The following FLT1 variants were observed in gnomAD, a reference collection of about 807,000 sequenced individuals.
FLT1 encodes the protein vascular endothelial growth factor receptor 1.
A neutral mutation model predicts 156.3 loss-of-function variants in FLT1; 49 were observed. The ratio of observed to expected loss-of-function variants is 0.31; its 90% CI spans 0.25 to 0.40. FLT1 has a LOEUF of 0.40. FLT1 is among the 10% of genes least tolerant of loss of function. FLT1 has a pLI of 1.00. For missense variants in FLT1, 1,322 were observed against 1,637.2 expected (o/e 0.81, Z 3.32); for synonymous variants, 594 against 583.8 (o/e 1.02, Z -0.25).
chr13:28,484,699 C>T (rs1308223783), intron 1 of FLT1, among the ~76,000 whole-genome samples: 1 of 152,046 alleles, frequency 6.6e-6, no homozygotes, highest in African/African-American at 2.4e-5. Flanking sequence ...AGCACAGTCC[C>T]CTTGATGCTT....
At chr13:28,382,438 T>C (rs1307532586) in intron 14 of FLT1, among the ~76,000 whole-genome samples, 9 of 152,214 alleles carry the variant, frequency 5.9e-5, no homozygotes, top group Admixed American at 5.9e-4. Flanking sequence ...GGCTAGATAT[T>C]GAGGGCATTC....
chr13:28,486,607 T>C (rs1395704008), intron 1 of FLT1, among the ~76,000 whole-genome samples: 5 of 138,902 alleles, frequency 3.6e-5, no homozygotes, highest in African/African-American at 7.7e-5. Context: ...AGGAGGACCA[T>C]TGTTAGTCTA....
chr13:28,327,421 C>T (rs762714869), intron 20 of FLT1, 41 bp downstream of exon 20: 104 of 1,193,452 alleles, frequency 8.7e-5, no homozygotes, highest in South Asian at 1.2e-5. Context: ...AATGAAAACT[C>T]ATTGCTATCT....
chr13:28,306,385 G>A lies in FLT1; in HGVS notation c.3815+293C>T, dbSNP rs558778961. Reference sequence around the variant, plus strand: ...GGGAGCGTGTCTCTGTCTGCACCACGCATAGGTGGGCACATCAGGCTTCTT... The same window carrying A: ...GGGAGCGTGTCTCTGTCTGCACCACACATAGGTGGGCACATCAGGCTTCTT... On this transcript the variant is annotated intron_variant, in intron 29 of 29. Transcript: ENST00000282397. Among the ~76,000 whole-genome samples, 51 of 152,274 alleles carry A rather than the reference G, an allele frequency of 3.3e-4. 1 individual carries two copies. Among genetic ancestry groups the A allele is most frequent in the South Asian group, 2.3e-3 (11 of 4,828 alleles).
intron 14 of FLT1, among the ~76,000 whole-genome samples, chr13:28,382,568 T>C (rs960816581): frequency 2.6e-5 from 4 of 152,046 alleles, no homozygotes; most frequent in African/African-American, 9.7e-5. Flanking sequence ...GTGTTGAAAG[T>C]AGATGCAAAG....
intron 10 of FLT1, among the ~76,000 whole-genome samples, chr13:28,410,703 G>T (rs75285338): frequency 0.025 from 3,881 of 152,252 alleles, 162 homozygotes; most frequent in African/African-American, 0.087. Flanking sequence ...TGCTACTAAA[G>T]CTTGGGCTAG....
intron 25 of FLT1, among the ~76,000 whole-genome samples, chr13:28,312,715 A>G (rs1871055076): frequency 6.6e-6 from 1 of 152,116 alleles, no homozygotes; most frequent in Non-Finnish European, 1.5e-5. Context: ...TGTCACTTCC[A>G]GAAGGTGAAG....
intron 1 of FLT1, among the ~76,000 whole-genome samples, chr13:28,472,106 C>G (rs192866548): frequency 1.6e-3 from 236 of 152,252 alleles, no homozygotes; most frequent in Non-Finnish European, 3.1e-3. Flanking sequence ...GCAGGTGGAA[C>G]AGAACTTTAT....
intron 25 of FLT1, among the ~76,000 whole-genome samples, chr13:28,316,865 C>T (rs950822992): frequency 3.9e-5 from 6 of 152,054 alleles, no homozygotes; most frequent in African/African-American, 1.2e-4. Flanking sequence ...TCAAGTGATC[C>T]GCCCGCCTCT....
At chr13:28,414,708 G>A (rs1566014641) in intron 10 of FLT1, among the ~76,000 whole-genome samples, 1 of 152,100 alleles carries the variant, frequency 6.6e-6, no homozygotes, top group East Asian at 1.9e-4. Flanking sequence ...GGAAACAGTG[G>A]GTGAGCAACA....
At chr13:28,464,602 T>C (rs1230121176) in intron 3 of FLT1, among the ~76,000 whole-genome samples, 1 of 152,268 alleles carries the variant, frequency 6.6e-6, no homozygotes, top group Non-Finnish European at 1.5e-5. Flanking sequence ...AGGACAGACA[T>C]GGACCGTGCC....
At chr13:28,474,848 A>G (rs980540639) in intron 1 of FLT1, among the ~76,000 whole-genome samples, 1 of 152,208 alleles carries the variant, frequency 6.6e-6, no homozygotes, top group Non-Finnish European at 1.5e-5. Context: ...CTGGTCTCCT[A>G]TAGTATGTGA....
intron 29 of FLT1, among the ~76,000 whole-genome samples, chr13:28,303,934 G>C (rs1870628197): frequency 6.6e-6 from 1 of 152,192 alleles, no homozygotes; most frequent in Non-Finnish European, 1.5e-5. Context: ...TCACGGTGCT[G>C]CTTATCACCA....
At chr13:28,346,558 A>AG (rs1872575286) in intron 15 of FLT1, among the ~76,000 whole-genome samples, 1 of 138,320 alleles carries the variant, frequency 7.2e-6, no homozygotes, top group Non-Finnish European at 1.6e-5. Flanking sequence ...CTTCTCTTAA[A>AG]AAAAAAAAAA....
rs1267282346 is a variant in FLT1, at chr13:28,311,813, A to G, written c.3493-81T>C. On this transcript the variant is annotated intron_variant, in intron 26 of 29. Transcript: ENST00000282397. ...ATGAACCATTATGTCAACTTTGACT[A>G]TGTCATTTGCACAATCTTGGTTGTG... 6 of 1,469,628 alleles carry G rather than the reference A, an allele frequency of 4.1e-6. No individual in the cohort carries two copies. The African/African-American group carries it at 4.2e-5, about 10-fold the overall frequency. The allele number at this position is 1,469,628 out of a possible 1,614,324, so 91.0% of individuals were successfully genotyped here.
chr13:28,312,789 C>T (rs997575710), intron 25 of FLT1, among the ~76,000 whole-genome samples: 2 of 151,970 alleles, frequency 1.3e-5, no homozygotes, highest in Non-Finnish European at 2.9e-5. Context: ...CATTCTCCCC[C>T]AGCACTGCAA....
At chr13:28,368,314 G>A (rs1034998613) in intron 14 of FLT1, 9 of 563,496 alleles carry the variant, frequency 1.6e-5, no homozygotes, top group East Asian at 1.5e-4. Flanking sequence ...CACCATGCCT[G>A]GCTAATTTTG....
Position 28,427,238 on chromosome 13 carries a change from T to A in FLT1, c.1357A>T (p.Thr453Ser), listed in dbSNP as rs778102453. ...TGAGGGATACCATATGCGGTACAAG[T>A]CAGGATTTGTCTGCTGCCCAGTGGG... ...LYPLGSRQIL[T>S]CTAYGIPQPT... The change falls in exon 10 of 30, where the codon ACT becomes TCT. Residue 453 changes from threonine to serine, a missense_variant. This residue lies in a region of FLT1 where 991 missense variants were observed against 1,254.8 expected (regional missense o/e 0.79). Transcript: ENST00000282397. 1 of 1,613,952 alleles carries A rather than the reference T, an allele frequency of 6.2e-7. No individual in the cohort carries two copies. Among genetic ancestry groups the A allele is most frequent in the Admixed American group, 1.7e-5 (1 of 60,012 alleles).
At chr13:28,470,137 A>C (rs1027443425) in intron 1 of FLT1, among the ~76,000 whole-genome samples, 13 of 152,296 alleles carry the variant, frequency 8.5e-5, no homozygotes, top group Admixed American at 7.2e-4. Context: ...ACTAAATTAA[A>C]ATCCCTGTTT....
Sources: allele counts gnomAD v4.1 joint callset (sites outside exome capture counted in the v4.1 genomes callset), GRCh38; gene constraint gnomAD v4.1.1; regional missense constraint gnomAD v4.1.1; transcripts MANE v1.5; gene names NCBI Gene and HGNC (gene_info 2026-07-23, HGNC 2026-07-21).